FANK1: variants seen among roughly 807,000 people sequenced by gnomAD.
FANK1 encodes the protein fibronectin type 3 and ankyrin repeat domains protein 1.
In FANK1, 44 loss-of-function variants were observed where a neutral mutation model predicts 45.3. That is an observed-to-expected ratio of 0.97 (90% confidence interval 0.76 to 1.25). The LOEUF (loss-of-function observed/expected upper bound fraction) is 1.25, where lower values mean the gene tolerates loss of function less well. Among genes scored for constraint, FANK1 ranks in the 50% most tolerant of loss-of-function variants. FANK1 has a pLI of 0.00. For missense variants in FANK1, 391 were observed against 424.4 expected (o/e 0.92, Z 0.69); for synonymous variants, 149 against 152.5 (o/e 0.98, Z 0.17).
chr10:125,995,267 G>A, intron 3 of FANK1, 150 bp from the exon 4 acceptor site: 1 of 687,968 alleles, frequency 1.5e-6, no homozygotes, highest in South Asian at 1.9e-5. Context: ...GGTAAAAGAA[G>A]CAGGTGAGTA....
intron 1 of FANK1, among the ~76,000 whole-genome samples, chr10:125,935,200 A>C (rs1487350352): frequency 6.6e-6 from 1 of 152,168 alleles, no homozygotes; most frequent in Non-Finnish European, 1.5e-5. Flanking sequence ...TCATCTTCAT[A>C]ATATTTCTTC....
At chr10:125,988,831 A>G in intron 3 of FANK1, 156 bp downstream of exon 3, 1 of 1,116,630 alleles carries the variant, frequency 9.0e-7, no homozygotes, top group East Asian at 2.5e-5. Context: ...GGGCCTTGCC[A>G]TAACTTGTAA....
chr10:125,983,743 G>T lies in FANK1; in HGVS notation c.191+3405G>T, dbSNP rs1012796649. ...GGCGAGGGCAGCTGGGTCATGAGAG[G>T]TCACTGCCTGGGCCTTGAGGGTTAT... On this transcript the variant is annotated intron_variant, in intron 2 of 10. Transcript: ENST00000368693. The surrounding 1 kb of genome is among the most constrained non-coding windows in gnomAD (Gnocchi z 4.3). Among the ~76,000 whole-genome samples, 3 of 152,180 alleles carry T rather than the reference G, an allele frequency of 2.0e-5. No individual in the cohort carries two copies. The highest frequency in any genetic ancestry group is 2.0e-4 in the Admixed American group (3 of 15,280).
intron 6 of FANK1, among the ~76,000 whole-genome samples, chr10:126,002,542 C>T (rs764093101): frequency 9.2e-5 from 14 of 152,114 alleles, no homozygotes; most frequent in East Asian, 1.9e-4. Context: ...AGAGTTCTGG[C>T]GCCATCTCAG....
At chr10:125,921,408 T>A (rs1458282513) in intron 1 of FANK1, among the ~76,000 whole-genome samples, 1 of 152,194 alleles carries the variant, frequency 6.6e-6, no homozygotes, top group Non-Finnish European at 1.5e-5. Context: ...CTACATGGTT[T>A]GCTTATTGGT....
chr10:125,989,267 T>C, intron 3 of FANK1: 1 of 1,548,650 alleles, frequency 6.5e-7, no homozygotes, highest in East Asian at 2.4e-5. Context: ...TTAAAGATGC[T>C]ATCTATGTCC....
At chr10:126,006,247 T>C (rs1305311171) in intron 7 of FANK1, among the ~76,000 whole-genome samples, 2 of 152,182 alleles carry the variant, frequency 1.3e-5, no homozygotes, top group South Asian at 2.1e-4. Flanking sequence ...TGAAGGGTAA[T>C]TGAGGGAAAG....
chr10:125,918,585 A>AAAATATAT (rs1554913277), intron 1 of FANK1, among the ~76,000 whole-genome samples: 8 of 70,972 alleles, frequency 1.1e-4, no homozygotes, highest in African/African-American at 4.8e-4. Flanking sequence ...AAAAAAAAAA[A>AAAATATAT]ATATATATAT....
chr10:125,960,783 C>T (rs796281390), intron 1 of FANK1, among the ~76,000 whole-genome samples: 20 of 152,338 alleles, frequency 1.3e-4, no homozygotes, highest in African/African-American at 4.8e-4. Flanking sequence ...TATCTGCCCG[C>T]CTCGGCCTCC....
intron 1 of FANK1, among the ~76,000 whole-genome samples, chr10:125,977,201 T>A (rs971961355): frequency 1.3e-5 from 2 of 152,192 alleles, no homozygotes; most frequent in Admixed American, 6.5e-5. Flanking sequence ...GAGTTCTTGC[T>A]GGTTCTTTCT....
At chr10:125,898,897 G>GTTTTT (rs201482232) in intron 1 of FANK1, among the ~76,000 whole-genome samples, 8 of 128,884 alleles carry the variant, frequency 6.2e-5, no homozygotes, top group African/African-American at 1.8e-4. Flanking sequence ...AAGTTTTGTT[G>GTTTTT]TTTTTTTTTT....
At chr10:125,906,956 G>C (rs1216834717) in intron 1 of FANK1, among the ~76,000 whole-genome samples, 4 of 152,148 alleles carry the variant, frequency 2.6e-5, no homozygotes, top group African/African-American at 9.7e-5. Flanking sequence ...ACATTATGAA[G>C]GCTGTGAGAC....
rs1951129056 is a variant in FANK1, at chr10:125,980,432, A to G, written c.191+94A>G. ...CTCTAAAAAGCCACTGCTTGTTTCAAATTAAAGAATGAGTCAGCATCATTT... is the reference window on the plus strand; with the variant it reads ...CTCTAAAAAGCCACTGCTTGTTTCAGATTAAAGAATGAGTCAGCATCATTT... On this transcript the variant is annotated intron_variant, in intron 2 of 10. Coordinates refer to ENST00000368693, the MANE Select transcript of FANK1 (RefSeq NM_145235.5). The G allele has an allele frequency of 1.1e-5, 15 of 1,348,832 alleles. 2 individuals carry two copies. The Middle Eastern group carries it at 1.7e-3, about 154-fold the overall frequency. 83.6% of individuals were successfully genotyped at this position (1,348,832 alleles called of 1,614,324 possible).
intron 2 of FANK1, 115 bp downstream of exon 2, chr10:125,980,453 C>A: frequency 8.6e-7 from 1 of 1,161,904 alleles, no homozygotes; most frequent in Non-Finnish European, 1.2e-6. Context: ...GAGTCAGCAT[C>A]ATTTGTATTC....
rs1373274390 is a variant in FANK1, at chr10:125,908,736, A to G, written c.13+12081A>G. 5.3e-5 allele frequency among the ~76,000 whole-genome samples: 8 copies of G among 152,148 alleles called. No individual in the cohort carries two copies. In the East Asian group the frequency reaches 1.5e-3, roughly 29 times the overall value. On this transcript the variant is annotated intron_variant, in intron 1 of 10. Transcript: ENST00000368693. Reference sequence around the variant, plus strand: ...TGTAACCAAACACCATCTGTTCCCCAAAAACCTATTGAAATAAAAAATAAA... The same window carrying G: ...TGTAACCAAACACCATCTGTTCCCCGAAAACCTATTGAAATAAAAAATAAA...
intron 1 of FANK1, among the ~76,000 whole-genome samples, chr10:125,913,749 C>A (rs1589823148): frequency 6.6e-6 from 1 of 152,168 alleles, no homozygotes; most frequent in Non-Finnish European, 1.5e-5. Flanking sequence ...CCTGAGCCTC[C>A]TGCTTCACCT....
At chr10:125,991,562 G>A (rs1253843016) in intron 3 of FANK1, among the ~76,000 whole-genome samples, 1 of 152,180 alleles carries the variant, frequency 6.6e-6, no homozygotes, top group Non-Finnish European at 1.5e-5. Flanking sequence ...CTGTGTGGTG[G>A]TAATTTGCAT....
chr10:125,903,198 T>G (rs1301412682), intron 1 of FANK1, among the ~76,000 whole-genome samples: 22 of 152,406 alleles, frequency 1.4e-4, no homozygotes, highest in East Asian at 1.3e-3. Flanking sequence ...TTAAAACTTG[T>G]CTATTCTGAA....
intron 1 of FANK1, among the ~76,000 whole-genome samples, chr10:125,912,361 C>T (rs1159229727): frequency 6.6e-6 from 1 of 152,074 alleles, no homozygotes; most frequent in Non-Finnish European, 1.5e-5. Context: ...CTACCCCCCT[C>T]CTCCTCTTCC....
Sources: allele counts gnomAD v4.1 joint callset (sites outside exome capture counted in the v4.1 genomes callset), GRCh38; gene constraint gnomAD v4.1.1; non-coding constraint Gnocchi (gnomAD v3.1); transcripts MANE v1.5; gene names NCBI Gene and HGNC (gene_info 2026-07-23, HGNC 2026-07-21).